The following NAF1 variants were observed in gnomAD, a reference collection of about 807,000 sequenced individuals.
NAF1 encodes the protein H/ACA ribonucleoprotein complex non-core subunit NAF1.
Under a neutral mutation model 40.6 loss-of-function variants are expected in NAF1, and 11 were observed. The observed-to-expected ratio is 0.27, with a 90% CI of 0.17 to 0.45. The LOEUF (loss-of-function observed/expected upper bound fraction) is 0.45. Ranked by LOEUF, NAF1 falls within the 20% of genes least tolerant of loss-of-function variation. The pLI is 1.00. For missense variants in NAF1, 607 were observed against 611.1 expected (o/e 0.99, Z 0.07); for synonymous variants, 260 against 228.5 (o/e 1.14, Z -1.24).
Position 163,162,899 on chromosome 4 carries a change from G to T in NAF1, c.540+1318C>A, listed in dbSNP as rs188612587. Reference sequence around the variant, plus strand: ...CTCCTTGTGGCCACAAATCCTTTTTGATCTTCTGATGAAAACAGGGACATT... The same window carrying T: ...CTCCTTGTGGCCACAAATCCTTTTTTATCTTCTGATGAAAACAGGGACATT... On this transcript the variant is annotated intron_variant, in intron 2 of 7. Transcript: ENST00000274054. Among the ~76,000 whole-genome samples the T allele has an allele frequency of 9.9e-5, 15 of 152,214 alleles. No individual in the cohort carries two copies. The East Asian group carries it at 2.5e-3, about 25-fold the overall frequency.
intron 2 of NAF1, among the ~76,000 whole-genome samples, chr4:163,152,006 C>T (rs1212781482): frequency 6.6e-6 from 1 of 152,020 alleles, no homozygotes; most frequent in African/African-American, 2.4e-5. Context: ...ATTATACAAC[C>T]ATATTTTCAA....
chr4:163,162,085 A>T (rs1256624423), intron 2 of NAF1, among the ~76,000 whole-genome samples: 1 of 84,976 alleles, frequency 1.2e-5, no homozygotes, highest in Non-Finnish European at 2.2e-5. Flanking sequence ...AGCCTCAATG[A>T]TCTGTTCAAG....
chr4:163,125,410 A>C (rs938014890), downstream of NAF1, among the ~76,000 whole-genome samples: 4 of 152,256 alleles, frequency 2.6e-5, no homozygotes, highest in Admixed American at 2.0e-4. Context: ...CACAGGAATA[A>C]GAAAGCAAAA....
downstream of NAF1, among the ~76,000 whole-genome samples, chr4:163,128,111 T>C (rs923825421): frequency 2.6e-5 from 4 of 152,248 alleles, no homozygotes; most frequent in African/African-American, 7.2e-5. Context: ...ACTCATTTAA[T>C]TAAAAACTCT....
chr4:163,166,878 A>G lies in NAF1; in HGVS notation c.-151T>C. 1 of 1,063,596 alleles carries G rather than the reference A, an allele frequency of 9.4e-7. No homozygotes were observed. The highest frequency in any genetic ancestry group is 1.6e-5 in the African/African-American group (1 of 61,518). 65.9% of individuals were successfully genotyped at this position (1,063,596 alleles called of 1,614,324 possible). ...TTTCTCAGGTAACTACACGCGGAGG[A>G]GCCAAAAGACACGCCCCCGCCATTT... On this transcript the variant is annotated 5_prime_UTR_variant, in exon 1 of 8. Coordinates refer to ENST00000274054, the MANE Select transcript of NAF1 (RefSeq NM_138386.3).
chr4:163,158,588 C>A (rs1225451836), intron 2 of NAF1, among the ~76,000 whole-genome samples: 1 of 151,912 alleles, frequency 6.6e-6, no homozygotes, highest in Non-Finnish European at 1.5e-5. Flanking sequence ...TGATATTTTT[C>A]TTTTTTAAAT....
chr4:163,157,570 T>C (rs1732040530), intron 2 of NAF1: 1 of 151,922 alleles, frequency 6.6e-6, no homozygotes, highest in Non-Finnish European at 1.5e-5. Flanking sequence ...ACAGAAATTA[T>C]ATACTAGATC....
Position 163,166,427 on chromosome 4 carries a change from C to T in NAF1, c.301G>A (p.Ala101Thr), listed in dbSNP as rs1346198083. 4 of 1,608,108 alleles carry T rather than the reference C, an allele frequency of 2.5e-6. No homozygotes were observed. Among genetic ancestry groups the T allele is most frequent in the Non-Finnish European group, 3.4e-6 (4 of 1,177,206 alleles). ...ACGDCVTSPG[A>T]AEPARAPDSL... ...TCCGGCGCCCGCGCAGGCTCTGCGG[C>T]TCCTGGGGAGGTGACGCAGTCTCCG... is the stretch of plus-strand genomic sequence containing the variant. Residue 101 changes from alanine (A) to threonine (T), a missense_variant, in exon 1 of 8, where the codon GCC (alanine) becomes ACC (threonine). Physicochemically the swap from Ala to Thr is moderately conservative, Grantham distance 58. This residue lies in a region of NAF1 where 407 missense variants were observed against 365.5 expected (regional missense o/e 1.11). Coordinates refer to ENST00000274054, the MANE Select transcript of NAF1 (RefSeq NM_138386.3).
At chr4:163,164,179 A>G (rs757302212) in intron 2 of NAF1, 38 bp downstream of exon 2, 76 of 1,467,068 alleles carry the variant, frequency 5.2e-5, no homozygotes, top group Non-Finnish European at 6.4e-5. Context: ...ATACGTTTTA[A>G]AACATGCAAA....
intron 2 of NAF1, among the ~76,000 whole-genome samples, chr4:163,120,977 C>CGAG (rs776118024): frequency 9.9e-5 from 15 of 152,058 alleles, no homozygotes; most frequent in Admixed American, 4.6e-4. Flanking sequence ...CTGCAACCTC[C>CGAG]GCCTCTCGGG....
intron 2 of NAF1, among the ~76,000 whole-genome samples, chr4:163,115,795 A>T (rs558334006): frequency 2.6e-5 from 4 of 152,334 alleles, no homozygotes; most frequent in African/African-American, 9.6e-5. Flanking sequence ...TACTAATAGG[A>T]AATTACTACT....
chr4:163,150,694 A>G (rs1028035910), intron 2 of NAF1, among the ~76,000 whole-genome samples: 2 of 152,038 alleles, frequency 1.3e-5, no homozygotes, highest in Non-Finnish European at 2.9e-5. Flanking sequence ...GACACAACAT[A>G]TATCTGCCCT....
intron 5 of NAF1, among the ~76,000 whole-genome samples, chr4:163,138,309 T>C (rs34308678): frequency 0.13 from 19,020 of 152,148 alleles, 1,479 homozygotes; most frequent in Non-Finnish European, 0.19. Context: ...TCAATTGTCA[T>C]TTCACACATG....
At chr4:163,110,421 T>A (rs965290963) in intron 2 of NAF1, 4 of 609,802 alleles carry the variant, frequency 6.6e-6, no homozygotes, top group Admixed American at 2.8e-5. Context: ...CTGTGCCTAT[T>A]TCCTAAATTA....
At position 163,158,428 on chromosome 4, in the gene NAF1, G is replaced by A. The variant is rs563562150; in HGVS notation, c.540+5789C>T. The A allele has an allele frequency of 2.6e-5, 4 of 152,080 alleles. No individual in the cohort carries two copies. The South Asian group carries it at 8.3e-4, about 32-fold the overall frequency. The allele number at this position is 152,080 out of a possible 1,614,324, so 9.4% of individuals were successfully genotyped here. ...TTCTAATTCATTAACTTCTTCAGGGGAAGTAATTTTACAAGTTTCCATGAA... is the reference window on the plus strand; with the variant it reads ...TTCTAATTCATTAACTTCTTCAGGGAAAGTAATTTTACAAGTTTCCATGAA... On this transcript the variant is annotated intron_variant, in intron 2 of 7. Coordinates refer to ENST00000274054, the MANE Select transcript of NAF1 (RefSeq NM_138386.3).
At chr4:163,119,318 T>C (rs1579123850) in intron 2 of NAF1, 1 of 152,210 alleles carries the variant, frequency 6.6e-6, no homozygotes, top group South Asian at 2.1e-4. Flanking sequence ...CTGAATATAG[T>C]GCCCCTTCTT....
At chr4:163,119,647 C>A (rs996013023) in intron 2 of NAF1, 13 of 152,288 alleles carry the variant, frequency 8.5e-5, no homozygotes, top group African/African-American at 2.9e-4. Context: ...CAGCTATCTT[C>A]TATGACAGCA....
chr4:163,119,940 T>C (rs1347363097), intron 2 of NAF1: 5 of 152,246 alleles, frequency 3.3e-5, no homozygotes, highest in African/African-American at 1.2e-4. Flanking sequence ...TGAACTTACG[T>C]TGTTGCCAAC....
intron 2 of NAF1, among the ~76,000 whole-genome samples, chr4:163,154,892 A>AC (rs988080925): frequency 2.1e-4 from 32 of 150,704 alleles, no homozygotes; most frequent in African/African-American, 7.0e-4. Flanking sequence ...AACAAAAACA[A>AC]AAAAAAAAAA....
Sources: gnomAD v4.1 joint callset for allele counts (sites outside exome capture counted in the v4.1 genomes callset) on GRCh38, gnomAD v4.1.1 for gene constraint, gnomAD v4.1.1 regional missense constraint, MANE v1.5 for transcripts, NCBI Gene and HGNC (gene_info 2026-07-23, HGNC 2026-07-21) for gene names.